Variants in CPSF3 observed in about 807,000 individuals in gnomAD.
CPSF3 encodes the protein cleavage and polyadenylation specific factor 3, also known as cleavage and polyadenylation specificity factor subunit 3.
Under a neutral mutation model 84.1 loss-of-function variants are expected in CPSF3, and 57 were observed. The observed-to-expected ratio is 0.68, with a 90% CI of 0.55 to 0.85. The LOEUF (loss-of-function observed/expected upper bound fraction) is 0.85, where lower values mean the gene tolerates loss of function less well. Among genes scored for constraint, CPSF3 ranks in the 40% least tolerant of loss-of-function variants. The pLI is 0.00. For missense variants in CPSF3, 522 were observed against 838.8 expected, an observed-to-expected ratio of 0.62 and a Z score of 4.66; for synonymous variants, 275 against 278.1, an observed-to-expected ratio of 0.99 and a Z score of 0.11.
chr2:9,434,010 T>G (rs746220954), intron 6 of CPSF3, 50 bp downstream of exon 6: 2 of 1,111,096 alleles, frequency 1.8e-6, no homozygotes, highest in Admixed American at 4.2e-5. Context: ...AGCAGATTTT[T>G]TTTCTTTTGG....
At chr2:9,459,282 A>C (rs1474515999) in intron 14 of CPSF3, among the ~76,000 whole-genome samples, 2 of 152,222 alleles carry the variant, frequency 1.3e-5, no homozygotes, top group African/African-American at 4.8e-5. Flanking sequence ...TGTTATGAAA[A>C]TTAAATGATA....
intron 12 of CPSF3, among the ~76,000 whole-genome samples, chr2:9,453,624 A>G (rs1236425777): frequency 1.3e-5 from 2 of 152,134 alleles, no homozygotes; most frequent in African/African-American, 4.8e-5. Flanking sequence ...AGGGTGCAGT[A>G]GCTCACGCCT....
intron 16 of CPSF3, among the ~76,000 whole-genome samples, chr2:9,469,785 C>A (rs1474051828): frequency 6.6e-6 from 1 of 152,184 alleles, no homozygotes; most frequent in Non-Finnish European, 1.5e-5. Flanking sequence ...AAAAATGCAG[C>A]TATTTCCCCA....
chr2:9,464,259 C>T (rs1681829136), intron 15 of CPSF3, among the ~76,000 whole-genome samples: 1 of 152,132 alleles, frequency 6.6e-6, no homozygotes, highest in African/African-American at 2.4e-5. Flanking sequence ...CTACTAAGGA[C>T]AGGTATACCT....
chr2:9,428,924 A>G, intron 2 of CPSF3, 96 bp downstream of exon 2: 1 of 732,760 alleles, frequency 1.4e-6, no homozygotes, highest in Non-Finnish European at 2.4e-6. Context: ...TAGCTCCCAG[A>G]AAAATGTTAT....
At chr2:9,453,955 C>T (rs1349321703) in intron 12 of CPSF3, among the ~76,000 whole-genome samples, 4 of 152,006 alleles carry the variant, frequency 2.6e-5, no homozygotes, top group Non-Finnish European at 5.9e-5. Flanking sequence ...GCTTTTTTCC[C>T]ATAGTTGATA....
chr2:9,437,989 G>A (rs1680843528), intron 7 of CPSF3, among the ~76,000 whole-genome samples: 1 of 152,222 alleles, frequency 6.6e-6, no homozygotes, highest in African/African-American at 2.4e-5. Flanking sequence ...GCGACACAAT[G>A]AGACCCTGTC....
chr2:9,466,376 GCACT>G (rs1558466661), intron 15 of CPSF3, among the ~76,000 whole-genome samples: 2 of 122,560 alleles, frequency 1.6e-5, no homozygotes, highest in African/African-American at 2.8e-5. Context: ...ACACACCCAC[GCACT>G]CGCACACACG....
chr2:9,452,860 G>GA, intron 11 of CPSF3, 53 bp from the exon 12 acceptor site: 1 of 1,233,978 alleles, frequency 8.1e-7, no homozygotes, highest in African/African-American at 1.5e-5. Context: ...TTTATTACCT[G>GA]AAAAACTGCA....
In CPSF3 at chr2:9,441,871, C is replaced by T. The variant is rs746989883; in HGVS notation, c.990C>T (p.Gly330=). 2 of 1,614,016 alleles carry T rather than the reference C, an allele frequency of 1.2e-6. No individual in the cohort carries two copies. Among genetic ancestry groups the T allele is most frequent in the Non-Finnish European group, 1.7e-6 (2 of 1,180,014 alleles). ...CCAGTGTTGTAATGGCCTCCCCAGG[C>T]ATGATGCAAAGTGGCTTATCCAGAG... is the stretch of plus-strand genomic sequence containing the variant. ...IGPSVVMASP[G]MMQSGLSREL... is the part of the protein sequence containing the mutation. The change falls in exon 9 of 18, where the codon GGC becomes GGT. Residue 330 remains glycine (G), a synonymous_variant. Coordinates refer to ENST00000238112, the MANE Select transcript of CPSF3 (RefSeq NM_016207.4).
Position 9,443,581 on chromosome 2 carries a change from G to A in CPSF3, c.1162G>A (p.Val388Ile), listed in dbSNP as rs777586725. 6.8e-6 allele frequency: 11 copies of A among 1,613,952 alleles called. No homozygotes were observed. In the East Asian group the frequency reaches 2.0e-4, roughly 29 times the overall value. Residue 388 changes from valine (V) to isoleucine (I), a missense_variant, in exon 10 of 18, where the codon GTT becomes ATT. Around this residue, in one of 2 missense-constraint regions of CPSF3, gnomAD observed 329 missense variants for 607.2 expected, o/e 0.54. Coordinates refer to ENST00000238112, the MANE Select transcript of CPSF3 (RefSeq NM_016207.4). ...ACAGAAGTTACCACTGAAAATGTCT[G>A]TTGATTACATTTCTTTCTCAGCTCA... ...SGQKLPLKMS[V>I]DYISFSAHTD...
intron 17 of CPSF3, 55 bp from the exon 18 acceptor site, chr2:9,472,861 C>A: frequency 8.5e-7 from 1 of 1,171,636 alleles, no homozygotes. Context: ...CATTTATCTT[C>A]TATATAATCA....
In CPSF3 at chr2:9,423,672, G is replaced by A; in HGVS notation, c.-102G>A. ...GAGTGACGGAAGTTGTGCTCTTGGT[G>A]AATGGGGTTCTTCCTTTTTTATTTA... On this transcript the variant is annotated 5_prime_UTR_variant, in exon 1 of 18. Transcript: ENST00000238112. 1 of 1,450,488 alleles carries A rather than the reference G, an allele frequency of 6.9e-7. No individual in the cohort carries two copies. Among genetic ancestry groups the A allele is most frequent in the African/African-American group, 1.4e-5 (1 of 70,742 alleles). The allele number at this position is 1,450,488 out of a possible 1,614,324, so 89.9% of individuals were successfully genotyped here. A position where few individuals can be genotyped will look rare whatever the true frequency, so the allele number is the denominator to read the frequency against.
chr2:9,455,891 T>C lies in CPSF3; in HGVS notation c.1603+134T>C, dbSNP rs1168576149. ...TAAGTTTTATAAATATGTGTGATCA[T>C]GTTATTATTGCCTTTATGTGAAATT... On this transcript the variant is annotated intron_variant, in intron 13 of 17. Transcript: ENST00000238112. 4 of 584,414 alleles carry C rather than the reference T, an allele frequency of 6.8e-6. No individual in the cohort carries two copies. In the East Asian group the frequency reaches 9.0e-5, roughly 13 times the overall value. 36.2% of individuals were successfully genotyped at this position (584,414 alleles called of 1,614,324 possible).
chr2:9,426,399 C>T (rs189074973), intron 1 of CPSF3, among the ~76,000 whole-genome samples: 5 of 152,208 alleles, frequency 3.3e-5, no homozygotes, highest in East Asian at 1.9e-4. Flanking sequence ...AGAGCAAGTA[C>T]GGGGCATGTG....
intron 3 of CPSF3, 50 bp from the exon 4 acceptor site, chr2:9,430,702 A>T (rs1680555843): frequency 9.7e-6 from 15 of 1,548,922 alleles, no homozygotes; most frequent in Non-Finnish European, 1.2e-5. Context: ...ATTACATGGT[A>T]TCTGATGGAT....
At chr2:9,465,965 A>T (rs1438127846) in intron 15 of CPSF3, among the ~76,000 whole-genome samples, 5 of 151,482 alleles carry the variant, frequency 3.3e-5, no homozygotes, top group Non-Finnish European at 7.4e-5. Flanking sequence ...CATACAATTC[A>T]TCCATATAAA....
At chr2:9,452,080 ACACTTTGGGAGGCCGAGGTGGGCAGAT>A (rs1558459566) in intron 11 of CPSF3, among the ~76,000 whole-genome samples, 1 of 152,134 alleles carries the variant, frequency 6.6e-6, no homozygotes, top group African/African-American at 2.4e-5. Flanking sequence ...TGTAATTCCA[ACACTTTGGGAGGCCGAGGTGGGCAGAT>A]CATCTGAGGT....
chr2:9,471,007 A>C (rs1370622992), intron 16 of CPSF3, among the ~76,000 whole-genome samples: 1 of 152,194 alleles, frequency 6.6e-6, no homozygotes, highest in Non-Finnish European at 1.5e-5. Flanking sequence ...TGAGGCTAGG[A>C]GTTCAAGACC....
Sources: gnomAD v4.1 joint callset for allele counts (sites outside exome capture counted in the v4.1 genomes callset) on GRCh38, gnomAD v4.1.1 for gene constraint, gnomAD v4.1.1 regional missense constraint, MANE v1.5 for transcripts, NCBI Gene and HGNC (gene_info 2026-07-23, HGNC 2026-07-21) for gene names.